ZNF804A: variants seen among roughly 807,000 people sequenced by gnomAD.
The protein encoded by ZNF804A is zinc finger protein 804A.
In ZNF804A, 2 loss-of-function variants were observed where a neutral mutation model predicts 16.5. That is an observed-to-expected ratio of 0.12 (90% confidence interval 0.05 to 0.38). The LOEUF (loss-of-function observed/expected upper bound fraction) is 0.38. Among genes scored for constraint, ZNF804A ranks in the 10% least tolerant of loss-of-function variants. The pLI, the probability that ZNF804A is intolerant of heterozygous loss-of-function variation, is 0.99. For synonymous variants in ZNF804A, 534 were observed against 489.6 expected (o/e 1.09, Z -1.20); for missense variants, 1,473 against 1,390.7 (o/e 1.06, Z -0.94).
chr2:184,701,957 G>C (rs1199716239), intron 1 of ZNF804A, among the ~76,000 whole-genome samples: 3 of 151,936 alleles, frequency 2.0e-5, no homozygotes, highest in Non-Finnish European at 4.4e-5. Flanking sequence ...GTGTTAAAAA[G>C]AGTTCTTTAG....
chr2:184,769,358 C>A (rs1213157959), intron 1 of ZNF804A, among the ~76,000 whole-genome samples: 6 of 151,882 alleles, frequency 4.0e-5, no homozygotes, highest in Admixed American at 3.9e-4. Flanking sequence ...GAGGACATAC[C>A]TATGTATCAT....
intron 1 of ZNF804A, among the ~76,000 whole-genome samples, chr2:184,611,994 T>C (rs940639861): frequency 1.3e-5 from 2 of 152,218 alleles, no homozygotes; most frequent in African/African-American, 4.8e-5. Context: ...AGTCTTCCTA[T>C]TGAAGCTGAT....
intron 1 of ZNF804A, among the ~76,000 whole-genome samples, chr2:184,659,737 A>T (rs1692137260): frequency 6.6e-6 from 1 of 152,192 alleles, no homozygotes; most frequent in South Asian, 2.1e-4. Context: ...CTGTATATAC[A>T]TAACTACAAC....
At chr2:184,680,506 C>T (rs980420596) in intron 1 of ZNF804A, among the ~76,000 whole-genome samples, 3 of 152,228 alleles carry the variant, frequency 2.0e-5, no homozygotes, top group African/African-American at 7.2e-5. Flanking sequence ...ACAACTTTCC[C>T]ATGCAAAAGA....
intron 1 of ZNF804A, among the ~76,000 whole-genome samples, chr2:184,720,931 A>G (rs927092176): frequency 6.6e-6 from 1 of 152,166 alleles, no homozygotes; most frequent in African/African-American, 2.4e-5. Flanking sequence ...AGAACCCATA[A>G]ATAAGTCCAT....
intron 1 of ZNF804A, among the ~76,000 whole-genome samples, chr2:184,852,093 T>A (rs1176740972): frequency 1.3e-5 from 2 of 151,824 alleles, no homozygotes; most frequent in Non-Finnish European, 3.0e-5. Context: ...TTAAACCTTA[T>A]CAAATTTATG....
At chr2:184,785,029 A>G (rs553673613) in intron 1 of ZNF804A, among the ~76,000 whole-genome samples, 4 of 151,930 alleles carry the variant, frequency 2.6e-5, no homozygotes, top group Non-Finnish European at 5.9e-5. Context: ...TATGCATGAT[A>G]CGTATGTAAA....
intron 1 of ZNF804A, among the ~76,000 whole-genome samples, chr2:184,617,921 A>G (rs895108159): frequency 3.9e-5 from 6 of 152,076 alleles, no homozygotes; most frequent in African/African-American, 1.4e-4. Flanking sequence ...TATAATTGCC[A>G]TTTTAAAAAT....
chr2:184,924,509 T>C (rs7580993), intron 2 of ZNF804A, among the ~76,000 whole-genome samples: 17,631 of 151,678 alleles, frequency 0.12, 1,541 homozygotes, highest in African/African-American at 0.24. Flanking sequence ...AAAAACCTTC[T>C]TTTTATTTCA....
intron 1 of ZNF804A, among the ~76,000 whole-genome samples, chr2:184,611,907 T>C (rs1691245217): frequency 6.6e-6 from 1 of 152,216 alleles, no homozygotes; most frequent in South Asian, 2.1e-4. Flanking sequence ...ATGTGATACA[T>C]GGATAAGATA....
chr2:184,818,240 TG>T (rs1484962806), intron 1 of ZNF804A, among the ~76,000 whole-genome samples: 3 of 151,998 alleles, frequency 2.0e-5, no homozygotes, highest in South Asian at 2.1e-4. Flanking sequence ...CACAAGAGAC[TG>T]GGGGCTAATA....
intron 2 of ZNF804A, among the ~76,000 whole-genome samples, chr2:184,901,447 G>A (rs776802554): frequency 2.6e-5 from 4 of 152,124 alleles, no homozygotes; most frequent in Non-Finnish European, 5.9e-5. Flanking sequence ...TTGTAGGAAT[G>A]CTTCTACATT....
chr2:184,936,244 C>A lies in ZNF804A; in HGVS notation c.848C>A (p.Ala283Glu), dbSNP rs1415787156. ...EKTNSFHPPE[A>E]MCRDKETVQT... The stretch of plus-strand genomic sequence containing the variant: ...ACTAACTCTTTTCATCCACCAGAGG[C>A]AATGTGCAGAGACAAAGAAACTGTT... The change falls in exon 4 of 4, where the codon GCA (alanine) becomes GAA (glutamate). Residue 283 changes from alanine (A) to glutamate (E), a missense_variant. Ala to Glu is a moderately radical substitution (Grantham distance 107). Transcript: ENST00000302277. The A allele has an allele frequency of 1.9e-6, 3 of 1,613,860 alleles. No homozygotes were observed. Among genetic ancestry groups the A allele is most frequent in the Non-Finnish European group, 2.5e-6 (3 of 1,179,958 alleles).
At chr2:184,929,217 T>C (rs887735026) in intron 2 of ZNF804A, among the ~76,000 whole-genome samples, 3 of 152,130 alleles carry the variant, frequency 2.0e-5, no homozygotes, top group Non-Finnish European at 4.4e-5. Context: ...ATAACAACAG[T>C]ATTGGCATTT....
chr2:184,770,958 A>G (rs1379013977), intron 1 of ZNF804A, among the ~76,000 whole-genome samples: 1 of 152,100 alleles, frequency 6.6e-6, no homozygotes, highest in Non-Finnish European at 1.5e-5. Context: ...ACAGATACGT[A>G]AATAAGAATA....
intron 2 of ZNF804A, among the ~76,000 whole-genome samples, chr2:184,899,967 T>A (rs1685151965): frequency 6.6e-6 from 1 of 152,026 alleles, no homozygotes; most frequent in Admixed American, 6.6e-5. Flanking sequence ...GTTCAACCCA[T>A]CTTCAAATAA....
intron 1 of ZNF804A, among the ~76,000 whole-genome samples, chr2:184,819,076 T>G (rs549374932): frequency 3.5e-4 from 54 of 152,188 alleles, no homozygotes; most frequent in African/African-American, 1.3e-3. Flanking sequence ...CTGATAGATA[T>G]CTACAGAACT....
chr2:184,919,571 T>A (rs1685499507), intron 2 of ZNF804A, among the ~76,000 whole-genome samples: 1 of 152,154 alleles, frequency 6.6e-6, no homozygotes. Flanking sequence ...GACACAAACG[T>A]CTTCCTGTTT....
At chr2:184,791,802 T>C (rs1694548736) in intron 1 of ZNF804A, among the ~76,000 whole-genome samples, 1 of 152,150 alleles carries the variant, frequency 6.6e-6, no homozygotes, top group Non-Finnish European at 1.5e-5. Context: ...TAGTATCACA[T>C]AGAATAGTTT....
Sources: gnomAD v4.1 joint callset for allele counts (sites outside exome capture counted in the v4.1 genomes callset) on GRCh38, gnomAD v4.1.1 for gene constraint, MANE v1.5 for transcripts, NCBI Gene and HGNC (gene_info 2026-07-23, HGNC 2026-07-21) for gene names.